Variants in MTMR10 observed in about 807,000 individuals in gnomAD.
MTMR10 encodes myotubularin related protein 10, also known as myotubularin-related protein 10.
MTMR10 carries 56 observed loss-of-function variants against 88.1 expected under a neutral mutation model. The observed-to-expected ratio is 0.64, with a 90% CI of 0.51 to 0.79. The LOEUF is 0.79. Among genes scored for constraint, MTMR10 ranks in the 30% least tolerant of loss-of-function variants. The pLI is 0.00. For synonymous variants in MTMR10, 380 were observed against 340.9 expected (o/e 1.11, Z -1.26); for missense variants, 883 against 924.7 (o/e 0.95, Z 0.58).
chr15:30,928,525 T>C, the MTMR10 span: 3 of 1,611,190 alleles, frequency 1.9e-6, no homozygotes. Context: ...TGTGTGTGTG[T>C]GTGTGTGTGT....
the MTMR10 span, among the ~76,000 whole-genome samples, chr15:30,929,977 ATAAT>A: frequency 7.8e-6 from 1 of 128,204 alleles, no homozygotes; most frequent in African/African-American, 3.2e-5. Flanking sequence ...TATAAAATAT[ATAAT>A]ATATAAGATA....
At chr15:30,929,672 A>T in the MTMR10 span, among the ~76,000 whole-genome samples, 1,141 of 68,306 alleles carry the variant, frequency 0.017, 21 homozygotes, top group Non-Finnish European at 0.026. Flanking sequence ...GAAATATATA[A>T]TATATCATAT....
chr15:30,932,492 T>G, the MTMR10 span, among the ~76,000 whole-genome samples: 1 of 152,134 alleles, frequency 6.6e-6, no homozygotes, highest in Admixed American at 6.5e-5. Context: ...AGAATTAGTA[T>G]TATTCCCTAA....
At chr15:30,972,786 C>T (rs1024815189) in intron 5 of MTMR10, among the ~76,000 whole-genome samples, 8 of 152,216 alleles carry the variant, frequency 5.3e-5, no homozygotes, top group Admixed American at 6.5e-5. Context: ...TGAAAAATGA[C>T]CAACAAGTAC....
chr15:30,973,111 T>C (rs1566962993), intron 5 of MTMR10, among the ~76,000 whole-genome samples: 1 of 152,220 alleles, frequency 6.6e-6, no homozygotes, highest in Admixed American at 6.5e-5. Context: ...TAATACATCA[T>C]GAATTCTAAA....
At chr15:30,926,136 G>T in the MTMR10 span, among the ~76,000 whole-genome samples, 1 of 152,302 alleles carries the variant, frequency 6.6e-6, no homozygotes, top group Admixed American at 6.5e-5. Context: ...GTCCCACAGG[G>T]CCTGGCTCTG....
chr15:30,947,076 T>G, intron 14 of MTMR10, 54 bp downstream of exon 14: 1 of 1,520,866 alleles, frequency 6.6e-7, no homozygotes, highest in South Asian at 1.3e-5. Flanking sequence ...CAATTATGCC[T>G]CGATAAAGTT....
downstream of MTMR10, among the ~76,000 whole-genome samples, chr15:30,934,599 T>A (rs181975611): frequency 1.8e-4 from 27 of 152,290 alleles, no homozygotes; most frequent in African/African-American, 6.5e-4. Flanking sequence ...CAGGCTGATC[T>A]CAAATCCCCA....
the MTMR10 span, among the ~76,000 whole-genome samples, chr15:30,919,147 G>A: frequency 3.5e-4 from 54 of 152,282 alleles, no homozygotes; most frequent in Non-Finnish European, 1.5e-4. Context: ...TTGGGAGGCC[G>A]AGGCTGGCAG....
the MTMR10 span, chr15:30,920,491 T>G: frequency 2.7e-6 from 3 of 1,109,856 alleles, no homozygotes; most frequent in Non-Finnish European, 4.1e-6. Context: ...GTTATTATTG[T>G]CTTATAATAA....
intron 12 of MTMR10, 72 bp from the exon 13 acceptor site, chr15:30,948,543 A>G: frequency 6.8e-7 from 1 of 1,468,186 alleles, no homozygotes; most frequent in Admixed American, 2.2e-5. Context: ...GGAAAGGTAA[A>G]CTAGATAATT....
chr15:30,929,983 T>TA, the MTMR10 span, among the ~76,000 whole-genome samples: 1 of 126,660 alleles, frequency 7.9e-6, no homozygotes, highest in East Asian at 2.0e-4. Context: ...ATATATAATA[T>TA]ATAAGATATC....
chr15:30,958,656 AAAT>A (rs1216819785), intron 9 of MTMR10, among the ~76,000 whole-genome samples: 1 of 152,244 alleles, frequency 6.6e-6, no homozygotes, highest in Non-Finnish European at 1.5e-5. Flanking sequence ...CTTACAAACC[AAAT>A]AATTAAATTA....
intron 2 of MTMR10, 109 bp from the exon 3 acceptor site, chr15:30,977,064 C>A: frequency 9.6e-7 from 1 of 1,046,872 alleles, no homozygotes; most frequent in South Asian, 1.6e-5. Flanking sequence ...ATAGTGAAAA[C>A]ATTCACCAAT....
chr15:30,964,098 C>G (rs1246009143), intron 6 of MTMR10, among the ~76,000 whole-genome samples: 1 of 151,456 alleles, frequency 6.6e-6, no homozygotes, highest in Non-Finnish European at 1.5e-5. Context: ...AAAGACATAG[C>G]TAAGAGCATC....
chr15:30,963,594 A>C (rs991994468), intron 6 of MTMR10, among the ~76,000 whole-genome samples: 1 of 152,124 alleles, frequency 6.6e-6, no homozygotes, highest in Admixed American at 6.5e-5. Context: ...CCGAGATCGT[A>C]CCAGTGCACT....
the MTMR10 span, chr15:30,928,705 T>G: frequency 6.2e-7 from 1 of 1,611,512 alleles, no homozygotes; most frequent in Non-Finnish European, 8.5e-7. Context: ...CACACATCCG[T>G]GGCTCACGCC....
At position 30,940,242 on chromosome 15, in the gene MTMR10, T is replaced by TG. The variant is rs1279677809; in HGVS notation, c.*1227dup. 2 of 984,916 alleles carry TG rather than the reference T, an allele frequency of 2.0e-6. No homozygotes were observed. Among genetic ancestry groups the TG allele is most frequent in the African/African-American group, 3.5e-5 (2 of 57,088 alleles). 61.0% of individuals were successfully genotyped at this position (984,916 alleles called of 1,614,324 possible). On this transcript the variant is annotated 3_prime_UTR_variant, in exon 16 of 16. Coordinates refer to ENST00000435680, the MANE Select transcript of MTMR10 (RefSeq NM_017762.3). ...GAAGCTTCAGCTTTGACCGCTACAG[T>TG]GGTAGGTAGGCTCTTGTCACACAGT...
intron 9 of MTMR10, among the ~76,000 whole-genome samples, chr15:30,957,451 A>C (rs913739672): frequency 1.3e-5 from 2 of 152,192 alleles, no homozygotes; most frequent in African/African-American, 2.4e-5. Context: ...AGCCGGGTGC[A>C]GTGGCTCACG....
Sources: allele counts gnomAD v4.1 joint callset (sites outside exome capture counted in the v4.1 genomes callset), GRCh38; gene constraint gnomAD v4.1.1; transcripts MANE v1.5; gene names NCBI Gene and HGNC (gene_info 2026-07-23, HGNC 2026-07-21).